Variants in MYRF observed in about 807,000 individuals in gnomAD.
MYRF encodes myelin regulatory factor.
A neutral mutation model predicts 126.3 loss-of-function variants in MYRF; 16 were observed. The ratio of observed to expected loss-of-function variants is 0.13; its 90% confidence interval spans 0.09 to 0.19. The LOEUF is 0.19. MYRF is among the 10% of genes least tolerant of loss of function. The probability of loss-of-function intolerance (pLI) is 1.00; values close to 1 mark genes in which losing one functional copy is unlikely to be tolerated. For synonymous variants in MYRF, 608 were observed against 635.3 expected, an observed-to-expected ratio of 0.96 and a Z score of 0.65; for missense variants, 1,104 against 1,547.0, an observed-to-expected ratio of 0.71 and a Z score of 4.80.
chr11:61,773,255 T>G (rs1591109448), intron 7 of MYRF, among the ~76,000 whole-genome samples: 1 of 152,314 alleles, frequency 6.6e-6, no homozygotes, highest in East Asian at 1.9e-4. Context: ...CCCAAAGTGC[T>G]GGGATTACAG....
chr11:61,755,815 G>A (rs181890270), intron 1 of MYRF: 66 of 477,880 alleles, frequency 1.4e-4, no homozygotes, highest in African/African-American at 1.0e-3. Context: ...CAGAAAGCAG[G>A]TGGGTGTGCA....
Position 61,765,809 on chromosome 11 carries a change from C to T in MYRF, c.134+97C>T. The T allele has an allele frequency of 2.8e-6, 4 of 1,425,700 alleles. No homozygotes were observed. The South Asian group carries it at 3.9e-5, about 14-fold the overall frequency. 88.3% of individuals were successfully genotyped at this position (1,425,700 alleles called of 1,614,324 possible). On this transcript the variant is annotated intron_variant, in intron 2 of 26. Coordinates refer to ENST00000278836, the MANE Select transcript of MYRF (RefSeq NM_001127392.3). The stretch of plus-strand genomic sequence containing the variant: ...GTCTGAGGGCCGGACCTGGGGTCTG[C>T]TGTGGTCCCACCTCTGAAAGCTGCT...
Position 61,779,397 on chromosome 11 carries a change from G to A in MYRF, c.2148G>A (p.Lys716=). 1 of 1,551,304 alleles carries A rather than the reference G, an allele frequency of 6.4e-7. No individual in the cohort carries two copies. Among genetic ancestry groups the A allele is most frequent in the Non-Finnish European group, 8.7e-7 (1 of 1,146,928 alleles). The change falls in exon 15 of 27, where the codon AAG becomes AAA. Residue 716 remains lysine, a synonymous_variant. Transcript: ENST00000278836. ...LAKLRRLDSL[K]STGSSGAFSH... ...AGCTGCGGCGGCTCGACAGCCTCAA[G>A]TCCACCGGCAGCTCGGGCGCCTTCA...
intron 8 of MYRF, among the ~76,000 whole-genome samples, chr11:61,775,825 T>G (rs1591115329): frequency 8.6e-6 from 1 of 115,914 alleles, no homozygotes; most frequent in Non-Finnish European, 1.8e-5. Flanking sequence ...GTGCAGAAGT[T>G]GGGGGAGTGG....
rs368343105 is a variant in MYRF at position 61,779,913 on chromosome 11, G to C, written c.2319G>C (p.Val773=). 3.3e-5 allele frequency: 53 copies of C among 1,613,886 alleles called. No individual in the cohort carries two copies. Among genetic ancestry groups the C allele is most frequent in the Admixed American group, 5.0e-5 (3 of 59,990 alleles). Residue 773 remains valine, a synonymous_variant, in exon 17 of 27, where the codon GTG becomes GTC. Transcript: ENST00000278836. The part of the protein sequence containing the change: ...RFLQGTIIAL[V]VVMAFSVVSM... ...TGCAGGGAACCATCATTGCCCTGGT[G>C]GTGGTCATGGCCTTCAGGTGACTTG...
In MYRF at chr11:61,776,128, G is replaced by A. The variant is rs2066375267; in HGVS notation, c.1384G>A (p.Val462Ile). The change falls in exon 9 of 27, where the codon GTC becomes ATC. Residue 462 changes from valine to isoleucine, a missense_variant. Coordinates refer to ENST00000278836, the MANE Select transcript of MYRF (RefSeq NM_001127392.3). The surrounding 1 kb of genome is among the most constrained non-coding windows in gnomAD (Gnocchi z 4.3). Reference protein sequence around the residue: ...SDRSKRPFNPVTVNLPPEQVT... With the variant: ...SDRSKRPFNPITVNLPPEQVT... ...CCGGAGCAAGCGGCCCTTCAACCCG[G>A]TCACGTGAGTGTCTGACCCTGTTGG... is the stretch of plus-strand genomic sequence containing the variant. 2 of 1,613,958 alleles carry A rather than the reference G, an allele frequency of 1.2e-6. No individual in the cohort carries two copies. Among genetic ancestry groups the A allele is most frequent in the Non-Finnish European group, 1.7e-6 (2 of 1,179,976 alleles).
intron 1 of MYRF, among the ~76,000 whole-genome samples, chr11:61,761,232 C>T (rs938202992): frequency 4.9e-5 from 7 of 144,020 alleles, no homozygotes; most frequent in Non-Finnish European, 1.0e-4. Flanking sequence ...GGACAATGGC[C>T]GAGACTCAGC....
Position 61,770,405 on chromosome 11 carries a change from T to C in MYRF, c.620T>C (p.Met207Thr), listed in dbSNP as rs760787941. The C allele has an allele frequency of 1.0e-5, 13 of 1,302,182 alleles. No individual in the cohort carries two copies. In the East Asian group the frequency reaches 6.3e-4, roughly 63 times the overall value. The allele number at this position is 1,302,182 out of a possible 1,614,324, so 80.7% of individuals were successfully genotyped here. A position where few individuals can be genotyped will look rare whatever the true frequency, so the allele number is the denominator to read the frequency against. Residue 207 changes from methionine (M) to threonine (T), a missense_variant, in exon 5 of 27, where the codon ATG becomes ACG. By Grantham distance (81) the Met-to-Thr change is moderately conservative. This residue lies in a region of MYRF where 368 missense variants were observed against 403.9 expected (regional missense o/e 0.91). Transcript: ENST00000278836. ...HYPVLQRDLY[M>T]KAEPPIPHYA... Reference sequence around the variant, plus strand: ...CCTGTCCTGCAGCGGGATCTGTACATGAAGGCCGAGCCCCCGATCCCCCAC... The same window carrying C: ...CCTGTCCTGCAGCGGGATCTGTACACGAAGGCCGAGCCCCCGATCCCCCAC...
chr11:61,771,797 G>A lies in MYRF; in HGVS notation c.992-32G>A, dbSNP rs1006184551. ...CAAGGTGGGGTGTGGGACCCAAGGT[G>A]CAGGGCCCACATGGGCGTTCCCTCC... On this transcript the variant is annotated intron_variant, in intron 6 of 26. Coordinates refer to ENST00000278836, the MANE Select transcript of MYRF (RefSeq NM_001127392.3). 5.6e-6 allele frequency: 9 copies of A among 1,613,832 alleles called. No homozygotes were observed. The African/African-American group carries it at 1.1e-4, about 19-fold the overall frequency.
intron 1 of MYRF, among the ~76,000 whole-genome samples, chr11:61,758,507 A>G (rs2065819614): frequency 6.6e-6 from 1 of 152,104 alleles, no homozygotes; most frequent in Admixed American, 6.6e-5. Flanking sequence ...AGGGAAGAAG[A>G]GGAGGTGGGA....
Position 61,781,653 on chromosome 11 carries a change from T to C in MYRF, c.2845T>C (p.Ser949Pro), listed in dbSNP as rs370916547. The C allele has an allele frequency of 1.7e-5, 27 of 1,613,686 alleles. No homozygotes were observed. The highest frequency in any genetic ancestry group is 2.3e-5 in the Non-Finnish European group (27 of 1,180,036). The change falls in exon 22 of 27, where the codon TCC (serine) becomes CCC (proline). Residue 949 changes from serine (S) to proline (P), a missense_variant. Coordinates refer to ENST00000278836, the MANE Select transcript of MYRF (RefSeq NM_001127392.3). ...WGLSVNGIGHSKHHKSLEPLA... is the reference protein window; with the variant it reads ...WGLSVNGIGHPKHHKSLEPLA... The stretch of plus-strand genomic sequence containing the variant: ...TCTTTCAGTCAATGGCATTGGCCAC[T>C]CCAAGCATCACAAGAGTCTGGAGCC...
chr11:61,780,103 C>G, intron 17 of MYRF, 119 bp from the exon 18 acceptor site: 1 of 1,322,554 alleles, frequency 7.6e-7, no homozygotes. Context: ...TGGGGTGACC[C>G]ATTTTGTAGG....
chr11:61,771,510 C>G lies in MYRF; in HGVS notation c.751C>G (p.His251Asp). ...LQQHGAELPT[H>D]PSKKRKHSES... ...CTTCTGTTTCCCCAGGCTCCCTACA[C>G]ACCCCTCCAAGAAGAGGAAGCACTC... The change falls in exon 6 of 27, where the codon CAC (histidine) becomes GAC (aspartate). Residue 251 changes from histidine to aspartate, a missense_variant. By Grantham distance (81) the His-to-Asp change is moderately conservative (BLOSUM62 -1). Coordinates refer to ENST00000278836, the MANE Select transcript of MYRF (RefSeq NM_001127392.3). 6.2e-7 allele frequency: 1 copy of G among 1,613,310 alleles called. No homozygotes were observed. Among genetic ancestry groups the G allele is most frequent in the Non-Finnish European group, 8.5e-7 (1 of 1,179,556 alleles).
In MYRF at chr11:61,777,863, G is replaced by A; in HGVS notation, c.1903+18G>A. The A allele has an allele frequency of 1.9e-6, 3 of 1,546,776 alleles. No individual in the cohort carries two copies. The highest frequency in any genetic ancestry group is 2.4e-5 in the East Asian group (1 of 40,902). Reference sequence around the variant, plus strand: ...AGAGACAGGTAGGGACCGGGCTGGTGCGGACTGGGGTCCGGAAACCCAGAA... The same window carrying A: ...AGAGACAGGTAGGGACCGGGCTGGTACGGACTGGGGTCCGGAAACCCAGAA... On this transcript the variant is annotated intron_variant, in intron 13 of 26. Coordinates refer to ENST00000278836, the MANE Select transcript of MYRF (RefSeq NM_001127392.3). This position sits in a 1 kb window ranked among gnomAD's most constrained non-coding sequence, Gnocchi z 8.8.
chr11:61,765,425 G>A (rs898504917), intron 1 of MYRF, among the ~76,000 whole-genome samples, 200 bp from the exon 2 acceptor site: 4 of 152,154 alleles, frequency 2.6e-5, no homozygotes, highest in Non-Finnish European at 5.9e-5. Context: ...GGTGGGGCGG[G>A]GGGGCATTAT....
At chr11:61,752,920 G>C in intron 1 of MYRF, 130 bp downstream of exon 1, 4 of 906,898 alleles carry the variant, frequency 4.4e-6, no homozygotes, top group Non-Finnish European at 6.3e-6. Flanking sequence ...GCTGGCACCA[G>C]CCCGCCAAGA....
Position 61,774,136 on chromosome 11 carries a change from T to C in MYRF, c.1285T>C (p.Phe429Leu). The change falls in exon 8 of 27, where the codon TTC becomes CTC. Residue 429 changes from phenylalanine to leucine, a missense_variant. Physicochemically the swap from Phe to Leu is conservative, Grantham distance 22. Transcript: ENST00000278836. ...CGAGGGCCTCAAGCCCCTCGACTGC[T>C]TCTATCTGAAGCTGCACGGAGTGAA... ...TPEGLKPLDCFYLKLHGVKLE... is the reference protein window; with the variant it reads ...TPEGLKPLDCLYLKLHGVKLE... 6.2e-7 allele frequency: 1 copy of C among 1,612,482 alleles called. No homozygotes were observed. Among genetic ancestry groups the C allele is most frequent in the South Asian group, 1.1e-5 (1 of 91,008 alleles).
In MYRF at chr11:61,776,287, C is replaced by A; in HGVS notation, c.1389-35C>A. On this transcript the variant is annotated intron_variant, in intron 9 of 26. Coordinates refer to ENST00000278836, the MANE Select transcript of MYRF (RefSeq NM_001127392.3). The surrounding 1 kb of genome is among the most constrained non-coding windows in gnomAD (Gnocchi z 4.3). ...GTGGCGTGGCTCTTGCAGCCTCCCT[C>A]CCTGCCCCCTGAGCACCCTGCCTCT... The A allele has an allele frequency of 6.3e-7, 1 of 1,591,400 alleles. No homozygotes were observed. The highest frequency in any genetic ancestry group is 8.6e-7 in the Non-Finnish European group (1 of 1,165,342).
At chr11:61,779,726 T>G (rs1393142529) in intron 16 of MYRF, 116 bp from the exon 17 acceptor site, 2 of 1,215,850 alleles carry the variant, frequency 1.6e-6, no homozygotes, top group Non-Finnish European at 2.3e-6. Flanking sequence ...CTTCTCCCTT[T>G]GCCCCCGGGG....
Sources: gnomAD v4.1 joint callset for allele counts (sites outside exome capture counted in the v4.1 genomes callset) on GRCh38, gnomAD v4.1.1 for gene constraint, gnomAD v4.1.1 regional missense constraint, Gnocchi (gnomAD v3.1) non-coding constraint, MANE v1.5 for transcripts, NCBI Gene and HGNC (gene_info 2026-07-23, HGNC 2026-07-21) for gene names.